Variants in AKAP13 observed in about 807,000 individuals in gnomAD.
AKAP13 encodes A-kinase anchoring protein 13, also known as A-kinase anchor protein 13.
AKAP13 carries 80 observed loss-of-function variants against 264.5 expected under a neutral mutation model. The observed-to-expected ratio is 0.30, with a 90% confidence interval of 0.25 to 0.36. The LOEUF (loss-of-function observed/expected upper bound fraction) is 0.36, where lower values mean the gene tolerates loss of function less well. Among genes scored for constraint, AKAP13 ranks in the 10% least tolerant of loss-of-function variants. The pLI, the probability that AKAP13 is intolerant of heterozygous loss-of-function variation, is 1.00. For synonymous variants in AKAP13, 1,380 were observed against 1,250.2 expected (o/e 1.10, Z -2.19); for missense variants, 3,712 against 3,435.2 (o/e 1.08, Z -2.01).
chr15:85,714,172 T>A (rs1421021068), intron 19 of AKAP13, among the ~76,000 whole-genome samples: 1 of 152,236 alleles, frequency 6.6e-6, no homozygotes, highest in Non-Finnish European at 1.5e-5. Flanking sequence ...TACAATAAAT[T>A]AAGCCAAAGG....
At chr15:85,569,971 G>C (rs532649612) in intron 5 of AKAP13, among the ~76,000 whole-genome samples, 85 of 151,734 alleles carry the variant, frequency 5.6e-4, no homozygotes, top group African/African-American at 7.7e-4. Flanking sequence ...CAGCTACTTG[G>C]GAGGCTGAGG....
At chr15:85,717,813 T>G (rs1016922086) in intron 21 of AKAP13, among the ~76,000 whole-genome samples, 194 bp from the exon 22 acceptor site, 14 of 152,362 alleles carry the variant, frequency 9.2e-5, no homozygotes, top group Non-Finnish European at 1.6e-4. Flanking sequence ...ACTGTTAACC[T>G]AAGTCTCGAA....
intron 1 of AKAP13, among the ~76,000 whole-genome samples, chr15:85,403,847 CA>C (rs11342591): frequency 0.26 from 33,966 of 128,184 alleles, 6,028 homozygotes; most frequent in African/African-American, 0.51. Flanking sequence ...AAACTCCTCT[CA>C]AAAAAAAAAA....
intron 1 of AKAP13, among the ~76,000 whole-genome samples, chr15:85,428,441 T>G (rs1191705045): frequency 6.6e-6 from 1 of 152,152 alleles, no homozygotes; most frequent in Non-Finnish European, 1.5e-5. Flanking sequence ...TTAGGTGATC[T>G]GCCTGCCTCG....
In AKAP13 at chr15:85,735,539, AC is replaced by A. The variant is rs11308004; in HGVS notation, c.7442-20del. On this transcript the variant is annotated intron_variant, in intron 31 of 36. Coordinates refer to ENST00000394518, the MANE Select transcript of AKAP13 (RefSeq NM_007200.5). ...CTGTTTCACAACTTTAAAAAAAAAA[AC>A]AACCCTATTTTTTGTTTAGGAGGCG... is the stretch of plus-strand genomic sequence containing the variant. 0.18 allele frequency: 272,432 copies of A among 1,548,862 alleles called. 6,851 individuals are homozygous for A. The highest frequency in any genetic ancestry group is 0.27 in the East Asian group (11,645 of 42,650).
intron 1 of AKAP13, among the ~76,000 whole-genome samples, chr15:85,439,539 T>C (rs1435120136): frequency 6.7e-6 from 1 of 149,804 alleles, no homozygotes; most frequent in Non-Finnish European, 1.5e-5. Flanking sequence ...ATTGCGGCAT[T>C]ATTCACAATA....
At chr15:85,625,016 T>A (rs1186711151) in intron 8 of AKAP13, among the ~76,000 whole-genome samples, 1 of 152,232 alleles carries the variant, frequency 6.6e-6, no homozygotes, top group Admixed American at 6.5e-5. Context: ...GAACTGGTTG[T>A]CATGGAGATA....
intron 1 of AKAP13, among the ~76,000 whole-genome samples, chr15:85,399,331 C>G (rs1031669865): frequency 1.3e-5 from 2 of 149,198 alleles, no homozygotes; most frequent in African/African-American, 4.9e-5. Context: ...CCCGTCTCTA[C>G]TAAAAATACA....
intron 5 of AKAP13, among the ~76,000 whole-genome samples, chr15:85,559,279 T>A (rs1033479221): frequency 6.6e-6 from 1 of 152,152 alleles, no homozygotes; most frequent in South Asian, 2.1e-4. Context: ...AGTTCTGACA[T>A]AGATCAACCT....
chr15:85,543,781 C>G lies in AKAP13; in HGVS notation c.488C>G (p.Pro163Arg). Residue 163 changes from proline (P) to arginine (R), a missense_variant, in exon 5 of 37, where the codon CCG (proline) becomes CGG (arginine). Coordinates refer to ENST00000394518, the MANE Select transcript of AKAP13 (RefSeq NM_007200.5). Reference protein sequence around the residue: ...GTDQSLHDAGPRETLMHFAVR... With the variant: ...GTDQSLHDAGRRETLMHFAVR... ...TCTCCCCCATTTACAGATGCTGGCC[C>G]GCGAGAGACATTGATGCATTTTGCT... The G allele has an allele frequency of 1.2e-6, 2 of 1,603,454 alleles. No individual in the cohort carries two copies. Among genetic ancestry groups the G allele is most frequent in the Non-Finnish European group, 1.7e-6 (2 of 1,174,262 alleles).
chr15:85,504,908 ACCCTCTCC>A (rs1001585824), intron 2 of AKAP13, among the ~76,000 whole-genome samples: 20 of 147,440 alleles, frequency 1.4e-4, no homozygotes, highest in South Asian at 2.2e-4. Flanking sequence ...TCTCCCTCGC[ACCCTCTCC>A]CCCTCTCCCC....
intron 5 of AKAP13, among the ~76,000 whole-genome samples, chr15:85,574,898 A>G (rs2151297581): frequency 2.0e-5 from 3 of 152,346 alleles, no homozygotes; most frequent in Middle Eastern, 3.4e-3. Flanking sequence ...GATCTAAAGA[A>G]CATTGTTAGG....
chr15:85,447,828 G>T (rs1488922816), intron 1 of AKAP13, among the ~76,000 whole-genome samples: 2 of 152,262 alleles, frequency 1.3e-5, no homozygotes, highest in East Asian at 3.9e-4. Flanking sequence ...GCTGCAGTGA[G>T]CATTTGTGTG....
intron 9 of AKAP13, among the ~76,000 whole-genome samples, chr15:85,642,619 C>T (rs1199667866): frequency 2.0e-5 from 3 of 152,042 alleles, no homozygotes; most frequent in Non-Finnish European, 4.4e-5. Flanking sequence ...TCTTTCTGTA[C>T]TTTTCCCTCT....
At chr15:85,736,408 C>A (rs191059599) in intron 33 of AKAP13, among the ~76,000 whole-genome samples, 153 of 139,694 alleles carry the variant, frequency 1.1e-3, no homozygotes, top group Admixed American at 4.1e-3. Context: ...CTTAAGGAAG[C>A]CTCTTGCTGT....
chr15:85,561,328 G>A (rs1030847759), intron 5 of AKAP13, among the ~76,000 whole-genome samples: 2 of 152,190 alleles, frequency 1.3e-5, no homozygotes, highest in Non-Finnish European at 2.9e-5. Flanking sequence ...AAAGTGCTGG[G>A]ATTACAGGCG....
chr15:85,705,492 A>G (rs2058487748), intron 17 of AKAP13, among the ~76,000 whole-genome samples: 1 of 148,184 alleles, frequency 6.7e-6, no homozygotes, highest in Non-Finnish European at 1.5e-5. Flanking sequence ...TTATAAGACA[A>G]TAAAATCTTA....
chr15:85,490,740 G>A (rs904892507), intron 2 of AKAP13, among the ~76,000 whole-genome samples: 2 of 152,214 alleles, frequency 1.3e-5, no homozygotes, highest in Non-Finnish European at 2.9e-5. Flanking sequence ...GCCAAGACCT[G>A]TTCTGGATGC....
intron 3 of AKAP13, among the ~76,000 whole-genome samples, chr15:85,525,198 C>T (rs971155175): frequency 6.6e-6 from 1 of 151,634 alleles, no homozygotes; most frequent in Non-Finnish European, 1.5e-5. Flanking sequence ...GCTGGGACTA[C>T]AGGTGCCCAC....
Sources: gnomAD v4.1 joint callset for allele counts (sites outside exome capture counted in the v4.1 genomes callset) on GRCh38, gnomAD v4.1.1 for gene constraint, MANE v1.5 for transcripts, NCBI Gene and HGNC (gene_info 2026-07-23, HGNC 2026-07-21) for gene names.